DHRS7: variants seen among roughly 807,000 people sequenced by gnomAD.
The protein encoded by DHRS7 is dehydrogenase/reductase 7, also known as dehydrogenase/reductase SDR family member 7.
In DHRS7, 34 loss-of-function variants were observed where a neutral mutation model predicts 38.9. The observed-to-expected ratio is 0.87, with a 90% CI of 0.66 to 1.16. The LOEUF (loss-of-function observed/expected upper bound fraction) is 1.16, where lower values mean the gene tolerates loss of function less well. Ranked by LOEUF, DHRS7 falls within the 50% of genes most tolerant of loss-of-function variation. DHRS7 has a pLI of 0.00. For missense variants in DHRS7, 421 were observed against 407.0 expected (o/e 1.03, Z -0.30); for synonymous variants, 158 against 153.1 (o/e 1.03, Z -0.24).
rs759171325 is a variant in DHRS7, at chr14:60,149,283, A to G, written c.972+70T>C. 5.3e-6 allele frequency: 8 copies of G among 1,499,672 alleles called. No individual in the cohort carries two copies. The Admixed American group carries it at 1.3e-4, about 25-fold the overall frequency. The allele number at this position is 1,499,672 out of a possible 1,614,324, so 92.9% of individuals were successfully genotyped here. A position where few individuals can be genotyped will look rare whatever the true frequency, so the allele number is the denominator to read the frequency against. ...TGCACCCAGCCAGAAAGTTTTTTAAACACTGGAAAATTCTGTACCTTCCTG... is the reference window on the plus strand; with the variant it reads ...TGCACCCAGCCAGAAAGTTTTTTAAGCACTGGAAAATTCTGTACCTTCCTG... On this transcript the variant is annotated intron_variant, in intron 6 of 6. Coordinates refer to ENST00000557185, the MANE Select transcript of DHRS7 (RefSeq NM_016029.4).
In DHRS7 at chr14:60,165,210, G is replaced by C; in HGVS notation, c.100C>G (p.Leu34Val). The C allele has an allele frequency of 1.2e-6, 2 of 1,612,582 alleles. No homozygotes were observed. Among genetic ancestry groups the C allele is most frequent in the Non-Finnish European group, 1.7e-6 (2 of 1,179,796 alleles). Residue 34 changes from leucine (L) to valine (V), a missense_variant, in exon 1 of 7, where the codon CTA becomes GTA. Transcript: ENST00000557185. This position sits in a 1 kb window ranked among gnomAD's most constrained non-coding sequence, Gnocchi z 4.6. ...RFLRADGDLT[L>V]LWAEWQGRRP... ...CGTCCCTGCCACTCGGCCCATAGTA[G>C]CGTCAGGTCGCCGTCAGCCCTCAGG...
upstream of DHRS7, chr14:60,169,150 A>AAAAAAAAAAAAAAAAAAC (rs1896903122): frequency 6.7e-6 from 1 of 150,290 alleles, no homozygotes; most frequent in African/African-American, 2.6e-5. Context: ...AAAAAAAAAA[A>AAAAAAAAAAAAAAAAAAC]AAAAAAAAAA....
rs1201670796 is a variant in DHRS7, at chr14:60,161,468, C to G, written c.133+3709G>C. 6.6e-6 allele frequency among the ~76,000 whole-genome samples: 1 copy of G among 152,084 alleles called. No individual in the cohort carries two copies. Among genetic ancestry groups the G allele is most frequent in the Non-Finnish European group, 1.5e-5 (1 of 68,018 alleles). ...TGAAACCTGTCTTCTAAATGACAAT[C>G]CCTCACAGCTGTTAGGGAAGACAGC... On this transcript the variant is annotated intron_variant, in intron 1 of 6. Transcript: ENST00000557185. This position sits in a 1 kb window ranked among gnomAD's most constrained non-coding sequence, Gnocchi z 4.2.
chr14:60,157,882 GT>G (rs1896689111), intron 1 of DHRS7, among the ~76,000 whole-genome samples: 1 of 151,636 alleles, frequency 6.6e-6, no homozygotes, highest in Non-Finnish European at 1.5e-5. Flanking sequence ...AAACCCAACT[GT>G]TTCTTAGACA....
At chr14:60,149,214 C>T (rs2140589810) in intron 6 of DHRS7, 139 bp downstream of exon 6, 1 of 744,826 alleles carries the variant, frequency 1.3e-6, no homozygotes, top group Non-Finnish European at 2.3e-6. Flanking sequence ...CTCAAGTGAT[C>T]TGCCTTGGCC....
At chr14:60,160,550 G>A (rs1896744652) in intron 1 of DHRS7, among the ~76,000 whole-genome samples, 1 of 151,092 alleles carries the variant, frequency 6.6e-6, no homozygotes, top group African/African-American at 2.4e-5. Context: ...GGAAATATAT[G>A]AGAGTAGATT....
upstream of DHRS7, chr14:60,168,735 G>T: frequency 6.4e-7 from 1 of 1,559,348 alleles, no homozygotes. Flanking sequence ...AGAAATTTAT[G>T]GTCTCAGATT....
At chr14:60,156,298 G>T in intron 1 of DHRS7, 146 bp from the exon 2 acceptor site, 2 of 549,648 alleles carry the variant, frequency 3.6e-6, no homozygotes, top group Non-Finnish European at 5.4e-6. Flanking sequence ...AATATTCTAA[G>T]AAAGCATCTC....
chr14:60,151,073 G>T (rs895884597), intron 4 of DHRS7, among the ~76,000 whole-genome samples: 3 of 152,070 alleles, frequency 2.0e-5, no homozygotes, highest in Admixed American at 2.0e-4. Flanking sequence ...GAGGAAGATG[G>T]GATTAGTACT....
intron 6 of DHRS7, 180 bp downstream of exon 6, chr14:60,149,173 A>G (rs747970426): frequency 6.6e-6 from 4 of 608,632 alleles, no homozygotes; most frequent in Non-Finnish European, 8.8e-6. Flanking sequence ...GGGTTTCACT[A>G]TGTTGGCCAG....
rs767136180 is a variant in DHRS7, at chr14:60,154,029, A to G, written c.323T>C (p.Leu108Ser). 3.7e-6 allele frequency: 6 copies of G among 1,613,938 alleles called. No homozygotes were observed. Among genetic ancestry groups the G allele is most frequent in the Middle Eastern group, 3.3e-4 (2 of 6,084 alleles). The change falls in exon 3 of 7, where the codon TTG becomes TCG. Residue 108 changes from leucine (L) to serine (S), a missense_variant. By Grantham distance (145) the Leu-to-Ser change is moderately radical. Transcript: ENST00000557185. ...GNLKEKDILVLPLDLTDTGSH... is the reference protein window; with the variant it reads ...GNLKEKDILVSPLDLTDTGSH... ...ACCAGTGTCGGTCAGGTCAAGGGGC[A>G]AAACAAGTATATCTTTTTCTTTTAA...
At chr14:60,163,008 A>G (rs1314828630) in intron 1 of DHRS7, among the ~76,000 whole-genome samples, 1 of 152,084 alleles carries the variant, frequency 6.6e-6, no homozygotes, top group African/African-American at 2.4e-5. Flanking sequence ...CAGGTCTACT[A>G]AAAATACAAA....
chr14:60,151,028 A>G (rs1896534001), intron 4 of DHRS7, among the ~76,000 whole-genome samples: 1 of 152,178 alleles, frequency 6.6e-6, no homozygotes, highest in Non-Finnish European at 1.5e-5. Flanking sequence ...TTATTCCCCA[A>G]AGTAGTCTAA....
intron 1 of DHRS7, among the ~76,000 whole-genome samples, chr14:60,164,724 G>A (rs1352242939): frequency 1.3e-5 from 2 of 152,208 alleles, no homozygotes; most frequent in Non-Finnish European, 1.5e-5. Context: ...GGAAGTGGAG[G>A]ACAGACTACT....
upstream of DHRS7, among the ~76,000 whole-genome samples, chr14:60,167,985 A>G (rs1393622555): frequency 6.6e-6 from 1 of 152,184 alleles, no homozygotes; most frequent in Non-Finnish European, 1.5e-5. Flanking sequence ...TCTGCAATCT[A>G]TTAGCAGCCT....
chr14:60,157,214 TCA>T (rs755812421), intron 1 of DHRS7, among the ~76,000 whole-genome samples: 5 of 152,224 alleles, frequency 3.3e-5, no homozygotes, highest in Non-Finnish European at 5.9e-5. Flanking sequence ...GCCAGCTCCA[TCA>T]CACACAGCAC....
At chr14:60,164,880 G>A (rs895475709) in intron 1 of DHRS7, among the ~76,000 whole-genome samples, 2 of 152,204 alleles carry the variant, frequency 1.3e-5, no homozygotes, top group African/African-American at 4.8e-5. Context: ...AGAGTCCTCA[G>A]GAGCACCGCC....
upstream of DHRS7, chr14:60,168,651 A>G (rs1442797048): frequency 1.3e-6 from 2 of 1,519,718 alleles, no homozygotes; most frequent in East Asian, 4.9e-5. Context: ...AAAACTGATC[A>G]ATGCTTTTTC....
intron 4 of DHRS7, among the ~76,000 whole-genome samples, chr14:60,150,843 C>A (rs960325294): frequency 6.6e-6 from 1 of 152,058 alleles, no homozygotes; most frequent in Non-Finnish European, 1.5e-5. Context: ...ATGGTTCACC[C>A]CCTTTGATAG....
Sources: allele counts gnomAD v4.1 joint callset (sites outside exome capture counted in the v4.1 genomes callset), GRCh38; gene constraint gnomAD v4.1.1; non-coding constraint Gnocchi (gnomAD v3.1); transcripts MANE v1.5; gene names NCBI Gene and HGNC (gene_info 2026-07-23, HGNC 2026-07-21).